PRR33: variants seen among roughly 807,000 people sequenced by gnomAD.
PRR33 encodes the protein proline-rich protein 33.
Under a neutral mutation model 0.5 loss-of-function variants are expected in PRR33, and 1 was observed. The observed-to-expected ratio is 2.18, with a 90% CI of 0.77 to 10.34. The LOEUF (loss-of-function observed/expected upper bound fraction) is 10.34, where lower values mean the gene tolerates loss of function less well. PRR33 is among the 30% of genes most tolerant of loss of function. The pLI is 0.13. For missense variants in PRR33, 552 were observed against 251.8 expected (o/e 2.19, Z -8.07); for synonymous variants, 226 against 110.0 (o/e 2.06, Z -6.60).
Position 1,890,608 on chromosome 11 carries a change from A to T in PRR33, c.-24T>A. The T allele has an allele frequency of 2.9e-6, 2 of 697,150 alleles. 1 individual carries two copies. The highest frequency in any genetic ancestry group is 5.4e-5 in the East Asian group (2 of 37,138). 43.2% of individuals were successfully genotyped at this position (697,150 alleles called of 1,614,324 possible). ...ATGACTGTGTCCTAGGGTGGGAGGGACAGTGGTCAGGCCAGCCCTCCTCCC... is the reference window on the plus strand; with the variant it reads ...ATGACTGTGTCCTAGGGTGGGAGGGTCAGTGGTCAGGCCAGCCCTCCTCCC... On this transcript the variant is annotated 5_prime_UTR_variant, in exon 1 of 1. The change creates a premature stop within an existing upstream ORF in the 5' untranslated region. Coordinates refer to ENST00000640310, the Ensembl canonical transcript of PRR33.
At chr11:1,912,325 A>G in the PRR33 span, among the ~76,000 whole-genome samples, 1 of 152,094 alleles carries the variant, frequency 6.6e-6, no homozygotes, top group Non-Finnish European at 1.5e-5. Flanking sequence ...TCGGAATGCA[A>G]GGTTCAATGT....
chr11:1,897,320 G>A, the PRR33 span, among the ~76,000 whole-genome samples: 39 of 152,304 alleles, frequency 2.6e-4, no homozygotes, highest in Middle Eastern at 0.017. The surrounding 1 kb of genome is among the most constrained non-coding windows in gnomAD (Gnocchi z 4.0). Context: ...AAATGTACTT[G>A]TTTGGTCCCA....
At chr11:1,890,092 TG>T in the PRR33 span, 8 of 716,180 alleles carry the variant, frequency 1.1e-5, no homozygotes, top group South Asian at 1.0e-4. Context: ...ACGAAGCCAC[TG>T]GGGGGCCGGG....
At chr11:1,916,907 C>T in the PRR33 span, among the ~76,000 whole-genome samples, 1 of 152,230 alleles carries the variant, frequency 6.6e-6, no homozygotes, top group African/African-American at 2.4e-5. Context: ...GCCTAAGAGG[C>T]CCCTGGCCAG....
At chr11:1,915,467 G>A in the PRR33 span, among the ~76,000 whole-genome samples, 7 of 148,346 alleles carry the variant, frequency 4.7e-5, no homozygotes, top group African/African-American at 1.8e-4. Context: ...TATGTGTTGT[G>A]GGGTCACACA....
At chr11:1,895,598 A>G (rs1019454901), upstream of PRR33, among the ~76,000 whole-genome samples, 3 of 152,192 alleles carry the variant, frequency 2.0e-5, no homozygotes, top group Non-Finnish European at 4.4e-5. Flanking sequence ...TGCTTTTGGT[A>G]TCATGTCTGA....
the PRR33 span, among the ~76,000 whole-genome samples, chr11:1,910,366 C>T: frequency 2.6e-3 from 392 of 152,286 alleles, 4 homozygotes; most frequent in African/African-American, 9.1e-3. Flanking sequence ...TCTCCTGCCT[C>T]AGCCTCCTGA....
At chr11:1,902,650 TA>T in the PRR33 span, 2 of 152,166 alleles carry the variant, frequency 1.3e-5, no homozygotes, top group African/African-American at 4.8e-5. Context: ...CTGCAATTGT[TA>T]CAGGAGAGGG....
chr11:1,916,647 G>T, the PRR33 span, among the ~76,000 whole-genome samples: 1 of 152,148 alleles, frequency 6.6e-6, no homozygotes, highest in Non-Finnish European at 1.5e-5. Flanking sequence ...CAGCAGTGCT[G>T]AGGAGGCAGC....
At chr11:1,901,399 G>T in the PRR33 span, among the ~76,000 whole-genome samples, 1 of 151,868 alleles carries the variant, frequency 6.6e-6, no homozygotes, top group African/African-American at 2.4e-5. Context: ...GGTGGTTTCA[G>T]CTTTTTCCTA....
At chr11:1,890,241 G>T in exon 1 of PRR33, 1 of 716,326 alleles carries the variant, frequency 1.4e-6, no homozygotes. Context: ...GGGGGTGTGC[G>T]GGGAGCGGGG....
upstream of PRR33, among the ~76,000 whole-genome samples, chr11:1,893,262 T>C (rs112484378): frequency 9.7e-5 from 12 of 124,120 alleles, no homozygotes; most frequent in East Asian, 7.7e-4. Flanking sequence ...GGATGAATGG[T>C]TGGGTGGGTG....
chr11:1,917,708 C>T, the PRR33 span, among the ~76,000 whole-genome samples: 4 of 152,360 alleles, frequency 2.6e-5, no homozygotes, highest in East Asian at 1.9e-4. Context: ...GCCCAGCGCC[C>T]GAGGGGGAGG....
At chr11:1,898,667 G>A in the PRR33 span, among the ~76,000 whole-genome samples, 4 of 151,968 alleles carry the variant, frequency 2.6e-5, no homozygotes, top group Admixed American at 6.6e-5. Flanking sequence ...GGAGTGGAGC[G>A]ATGTTGTTTG....
At chr11:1,904,045 AG>A in the PRR33 span, among the ~76,000 whole-genome samples, 1 of 152,208 alleles carries the variant, frequency 6.6e-6, no homozygotes, top group African/African-American at 2.4e-5. Flanking sequence ...AATTTGCTCA[AG>A]CAAACTCAGA....
chr11:1,906,718 G>T, the PRR33 span, among the ~76,000 whole-genome samples: 2 of 152,202 alleles, frequency 1.3e-5, no homozygotes, highest in African/African-American at 4.8e-5. Flanking sequence ...TGCTGAGGCT[G>T]GTGGGAGCAG....
the PRR33 span, among the ~76,000 whole-genome samples, chr11:1,909,774 T>C: frequency 6.6e-6 from 1 of 151,558 alleles, no homozygotes; most frequent in Non-Finnish European, 1.5e-5. Flanking sequence ...AGTGAGACCC[T>C]ATCTGAGAAA....
chr11:1,889,192 G>A, the PRR33 span: 3 of 674,480 alleles, frequency 4.4e-6, no homozygotes, highest in Non-Finnish European at 8.2e-6. Context: ...TTCTTGGGCT[G>A]GGGGCTCAGC....
the PRR33 span, among the ~76,000 whole-genome samples, chr11:1,904,026 A>G: frequency 1.3e-5 from 2 of 152,224 alleles, no homozygotes; most frequent in Non-Finnish European, 2.9e-5. Flanking sequence ...AACCCAGCTT[A>G]GATAAAAAAA....
Sources: gnomAD v4.1 joint callset for allele counts (sites outside exome capture counted in the v4.1 genomes callset) on GRCh38, gnomAD v4.1.1 for gene constraint, Gnocchi (gnomAD v3.1) non-coding constraint, MANE v1.5 for transcripts, NCBI Gene and HGNC (gene_info 2026-07-23, HGNC 2026-07-21) for gene names.